Variants in RMDN2 observed in about 807,000 individuals in gnomAD.
RMDN2 encodes the protein regulator of microtubule dynamics 2, also known as regulator of microtubule dynamics protein 2.
Under a neutral mutation model 52.8 loss-of-function variants are expected in RMDN2, and 61 were observed. That is an observed-to-expected ratio of 1.16 (90% CI 0.94 to 1.43). The LOEUF (loss-of-function observed/expected upper bound fraction) is 1.43, where lower values mean the gene tolerates loss of function less well. Among genes scored for constraint, RMDN2 ranks in the 40% most tolerant of loss-of-function variants. The pLI is 0.00. For synonymous variants in RMDN2, 180 were observed against 153.1 expected (o/e 1.18, Z -1.30); for missense variants, 592 against 475.3 (o/e 1.25, Z -2.28).
At chr2:37,965,183 C>T (rs891407416) in intron 2 of RMDN2, among the ~76,000 whole-genome samples, 2 of 152,082 alleles carry the variant, frequency 1.3e-5, no homozygotes, top group African/African-American at 4.8e-5. Flanking sequence ...ACCCATTCTG[C>T]CAATATACCT....
chr2:38,040,346 G>A (rs1314882238), intron 10 of RMDN2, among the ~76,000 whole-genome samples: 1 of 152,080 alleles, frequency 6.6e-6, no homozygotes, highest in Non-Finnish European at 1.5e-5. Context: ...CTTAATGCCC[G>A]ATATGATGGT....
At chr2:37,937,248 G>T (rs1354432997) in intron 2 of RMDN2, among the ~76,000 whole-genome samples, 1 of 152,124 alleles carries the variant, frequency 6.6e-6, no homozygotes, top group Non-Finnish European at 1.5e-5. Context: ...CCTCTGTTCT[G>T]TTCCATTGGT....
intron 10 of RMDN2, among the ~76,000 whole-genome samples, chr2:38,007,127 T>C (rs980110505): frequency 2.0e-5 from 3 of 152,216 alleles, no homozygotes; most frequent in African/African-American, 7.2e-5. Flanking sequence ...TTGAGGATTT[T>C]TGCATCGATG....
chr2:38,030,123 A>G (rs960090359), intron 10 of RMDN2: 1 of 152,202 alleles, frequency 6.6e-6, no homozygotes, highest in African/African-American at 2.4e-5. Context: ...GGGTGGGGAC[A>G]CAGCCAAGCA....
intron 10 of RMDN2, among the ~76,000 whole-genome samples, chr2:38,028,769 A>G (rs1448796961): frequency 6.6e-6 from 1 of 152,124 alleles, no homozygotes; most frequent in Non-Finnish European, 1.5e-5. Context: ...AGCCTTAGTC[A>G]CTGTGGGCGC....
intron 8 of RMDN2, among the ~76,000 whole-genome samples, chr2:38,001,846 C>A (rs1246758517): frequency 1.3e-5 from 2 of 152,132 alleles, no homozygotes; most frequent in Non-Finnish European, 2.9e-5. Flanking sequence ...AGAGAAGAAG[C>A]AGGAAAACCA....
downstream of RMDN2, among the ~76,000 whole-genome samples, chr2:38,019,980 C>G (rs1558562229): frequency 6.6e-6 from 1 of 151,934 alleles, no homozygotes; most frequent in Non-Finnish European, 1.5e-5. Flanking sequence ...AAACTAAAAC[C>G]ATTGCAAATA....
intron 2 of RMDN2, among the ~76,000 whole-genome samples, chr2:37,965,831 A>T (rs1163738629): frequency 6.6e-6 from 1 of 152,186 alleles, no homozygotes; most frequent in Non-Finnish European, 1.5e-5. Flanking sequence ...GCTTTTATTT[A>T]GAAATATTTT....
intron 10 of RMDN2, among the ~76,000 whole-genome samples, chr2:38,061,214 A>AT (rs1682033778): frequency 6.6e-6 from 1 of 151,972 alleles, no homozygotes; most frequent in African/African-American, 2.4e-5. Flanking sequence ...GTCCTCTTAC[A>AT]TCCTCCCCAT....
rs376118408 is a variant in RMDN2, at chr2:37,929,461, C to G, written c.184C>G (p.Gln62Glu). ...TTTGCAAGATGAAATACATGATGAC[C>G]AAGGAACAACAGTAATCTTTCAAGA... is the stretch of plus-strand genomic sequence containing the variant. Reference protein sequence around the residue: ...ITLQDEIHDDQGTTVIFQERQ... With the variant: ...ITLQDEIHDDEGTTVIFQERQ... The change falls in exon 2 of 11, where the codon CAA (glutamine) becomes GAA (glutamate). Residue 62 changes from glutamine to glutamate, a missense_variant. Transcript: ENST00000354545. The G allele has an allele frequency of 1.9e-6, 3 of 1,551,318 alleles. No homozygotes were observed. The highest frequency in any genetic ancestry group is 2.7e-5 in the African/African-American group (2 of 72,984).
At chr2:37,966,049 T>A (rs1236927350) in intron 2 of RMDN2, among the ~76,000 whole-genome samples, 1 of 152,234 alleles carries the variant, frequency 6.6e-6, no homozygotes, top group Non-Finnish European at 1.5e-5. Flanking sequence ...ATTCTTTTTG[T>A]CTTTAGCATT....
At chr2:38,000,763 G>A (rs1181214581) in intron 8 of RMDN2, among the ~76,000 whole-genome samples, 2 of 152,112 alleles carry the variant, frequency 1.3e-5, no homozygotes, top group Non-Finnish European at 1.5e-5. Context: ...CATTTGAGTT[G>A]TTTCTGGTTT....
intron 7 of RMDN2, among the ~76,000 whole-genome samples, chr2:37,993,177 G>A (rs751825759): frequency 9.2e-5 from 14 of 152,008 alleles, no homozygotes; most frequent in East Asian, 3.9e-4. Context: ...CACCTGCCTC[G>A]GCCTCCCAAA....
At chr2:37,964,155 G>A (rs1012661667) in intron 2 of RMDN2, among the ~76,000 whole-genome samples, 5 of 151,186 alleles carry the variant, frequency 3.3e-5, no homozygotes, top group Non-Finnish European at 5.9e-5. Flanking sequence ...CCTGCCGGGC[G>A]GAGGGGCTCC....
chr2:37,950,672 C>A, intron 2 of RMDN2: 1 of 1,395,800 alleles, frequency 7.2e-7, no homozygotes, highest in Non-Finnish European at 1.0e-6. Flanking sequence ...TAGTGCTCTC[C>A]TTTGTTTCCC....
intron 10 of RMDN2, among the ~76,000 whole-genome samples, chr2:38,057,005 G>A (rs1210244164): frequency 6.6e-6 from 1 of 152,260 alleles, no homozygotes; most frequent in Admixed American, 6.5e-5. Context: ...AGCTTTGTGG[G>A]TTCATGACTC....
intron 10 of RMDN2, among the ~76,000 whole-genome samples, chr2:38,023,474 A>G (rs573522642): frequency 1.7e-4 from 26 of 152,268 alleles, no homozygotes; most frequent in African/African-American, 5.3e-4. Context: ...ATTCCCAACA[A>G]TGTATTTTGT....
At chr2:37,924,941 G>A (rs939844002), upstream of RMDN2, among the ~76,000 whole-genome samples, 5 of 152,234 alleles carry the variant, frequency 3.3e-5, no homozygotes, top group African/African-American at 1.2e-4. Flanking sequence ...TGCCTAGAAA[G>A]GGCACAGAAA....
At chr2:37,923,763 G>GT (rs979754667), upstream of RMDN2, among the ~76,000 whole-genome samples, 3 of 152,090 alleles carry the variant, frequency 2.0e-5, no homozygotes, top group Non-Finnish European at 1.5e-5. Flanking sequence ...TTTTGCTCTT[G>GT]TTTTTTGAGA....
Sources: gnomAD v4.1 joint callset for allele counts (sites outside exome capture counted in the v4.1 genomes callset) on GRCh38, gnomAD v4.1.1 for gene constraint, MANE v1.5 for transcripts, NCBI Gene and HGNC (gene_info 2026-07-23, HGNC 2026-07-21) for gene names.